Variants in ITSN2 observed in about 807,000 individuals in gnomAD.
The protein encoded by ITSN2 is intersectin 2, also known as intersectin-2.
ITSN2 carries 156 observed loss-of-function variants against 243.7 expected under a neutral mutation model. The ratio of observed to expected loss-of-function variants is 0.64; its 90% confidence interval spans 0.56 to 0.73. ITSN2 has a LOEUF of 0.73. Ranked by LOEUF, ITSN2 falls within the 30% of genes least tolerant of loss-of-function variation. The pLI, the probability that ITSN2 is intolerant of heterozygous loss-of-function variation, is 0.00. For synonymous variants in ITSN2, 703 were observed against 699.9 expected, an observed-to-expected ratio of 1.00 and a Z score of -0.07; for missense variants, 1,801 against 1,996.1, an observed-to-expected ratio of 0.90 and a Z score of 1.86.
intron 1 of ITSN2, among the ~76,000 whole-genome samples, chr2:24,359,543 T>C (rs1439744395): frequency 6.6e-6 from 1 of 152,170 alleles, no homozygotes; most frequent in African/African-American, 2.4e-5. Context: ...AATTAATAAA[T>C]CCAAACGGAG....
At chr2:24,226,411 A>C (rs1671033434) in intron 29 of ITSN2, among the ~76,000 whole-genome samples, 1 of 152,218 alleles carries the variant, frequency 6.6e-6, no homozygotes, top group Admixed American at 6.5e-5. Context: ...TGACATGATT[A>C]AAAAGTTTTT....
At chr2:24,323,388 C>T (rs998314866) in intron 2 of ITSN2, among the ~76,000 whole-genome samples, 1 of 152,168 alleles carries the variant, frequency 6.6e-6, no homozygotes, top group African/African-American at 2.4e-5. Flanking sequence ...ATACAATGGA[C>T]TACTATTCAG....
chr2:24,330,779 T>C (rs1685701897), intron 1 of ITSN2: 1 of 451,832 alleles, frequency 2.2e-6, no homozygotes, highest in Admixed American at 3.1e-5. Context: ...TACTTTTTTT[T>C]TTTTTTAGAT....
At chr2:24,233,655 C>T (rs753990004) in intron 29 of ITSN2, among the ~76,000 whole-genome samples, 1 of 152,172 alleles carries the variant, frequency 6.6e-6, no homozygotes, top group Non-Finnish European at 1.5e-5. Context: ...CAAATATTTA[C>T]TAAATGTTAG....
intron 4 of ITSN2, among the ~76,000 whole-genome samples, chr2:24,312,936 A>T (rs950956695): frequency 6.6e-6 from 1 of 152,182 alleles, no homozygotes. Flanking sequence ...CTGCCAAATT[A>T]TAAGGAAATT....
intron 22 of ITSN2, 47 bp downstream of exon 22, chr2:24,261,059 G>A (rs369631054): frequency 1.9e-6 from 3 of 1,548,872 alleles, no homozygotes; most frequent in African/African-American, 2.8e-5. Flanking sequence ...ATTTTAATCA[G>A]GAGCAAATTC....
chr2:24,301,043 A>T (rs1046899625), intron 11 of ITSN2, 111 bp downstream of exon 11: 2 of 592,220 alleles, frequency 3.4e-6, no homozygotes, highest in Admixed American at 6.2e-5. Flanking sequence ...GTTTTTTCTC[A>T]TATAGCACAT....
At chr2:24,313,610 TG>T in intron 3 of ITSN2, 87 bp from the exon 4 acceptor site, 1 of 822,102 alleles carries the variant, frequency 1.2e-6, no homozygotes, top group African/African-American at 1.7e-5. Flanking sequence ...TATATGTTAA[TG>T]ATTTATTATA....
chr2:24,293,078 T>C (rs920425093), intron 15 of ITSN2, among the ~76,000 whole-genome samples: 3 of 152,220 alleles, frequency 2.0e-5, no homozygotes, highest in African/African-American at 7.2e-5. Context: ...TAGTATCCAA[T>C]ACAGAGAATT....
chr2:24,292,172 A>G (rs1366671054), intron 15 of ITSN2, among the ~76,000 whole-genome samples: 2 of 152,220 alleles, frequency 1.3e-5, no homozygotes, highest in African/African-American at 2.4e-5. Context: ...CAAAGCCCAA[A>G]CAAAAGCTTC....
chr2:24,337,097 T>C (rs1438101229), intron 1 of ITSN2, among the ~76,000 whole-genome samples: 1 of 149,976 alleles, frequency 6.7e-6, no homozygotes, highest in Non-Finnish European at 1.5e-5. Context: ...TAAAGAAAGG[T>C]TTATTTCCCA....
intron 29 of ITSN2, among the ~76,000 whole-genome samples, chr2:24,236,831 C>T (rs1424058316): frequency 1.3e-5 from 2 of 151,694 alleles, no homozygotes; most frequent in East Asian, 3.9e-4. Context: ...CAGCACCACT[C>T]CCAGCTATCT....
intron 20 of ITSN2, among the ~76,000 whole-genome samples, chr2:24,262,162 T>C (rs1675984721): frequency 6.6e-6 from 1 of 152,230 alleles, no homozygotes; most frequent in African/African-American, 2.4e-5. Context: ...CTTTTGGCTA[T>C]GGGAAATGAA....
chr2:24,347,905 C>T (rs1367805832), intron 1 of ITSN2, among the ~76,000 whole-genome samples: 2 of 152,032 alleles, frequency 1.3e-5, no homozygotes, highest in Non-Finnish European at 2.9e-5. Flanking sequence ...GACCCCATCT[C>T]TACCAATAAT....
At chr2:24,314,701 C>T (rs146439732) in intron 3 of ITSN2, among the ~76,000 whole-genome samples, 177 of 152,228 alleles carry the variant, frequency 1.2e-3, no homozygotes, top group African/African-American at 4.1e-3. Context: ...CCCATTTTGG[C>T]TCTGGTGGTC....
chr2:24,246,075 C>T (rs1204874295), intron 29 of ITSN2, 54 bp downstream of exon 29: 6 of 1,134,158 alleles, frequency 5.3e-6, no homozygotes, highest in Non-Finnish European at 7.8e-6. Context: ...AAATGCAGTG[C>T]TGTATATTGA....
At chr2:24,270,169 T>C (rs1416063943) in intron 20 of ITSN2, among the ~76,000 whole-genome samples, 1 of 152,196 alleles carries the variant, frequency 6.6e-6, no homozygotes, top group Non-Finnish European at 1.5e-5. Flanking sequence ...AAATCCAAGT[T>C]TGTGTGCTTC....
intron 2 of ITSN2, among the ~76,000 whole-genome samples, chr2:24,324,870 A>G (rs895154695): frequency 6.2e-5 from 9 of 144,692 alleles, no homozygotes; most frequent in East Asian, 2.0e-4. Flanking sequence ...AAAAAAAAAA[A>G]AAAAAAAAAT....
At chr2:24,282,740 C>T (rs571185496) in intron 17 of ITSN2, among the ~76,000 whole-genome samples, 13 of 152,324 alleles carry the variant, frequency 8.5e-5, no homozygotes, top group African/African-American at 2.9e-4. Context: ...TCCCCATCAC[C>T]TGCCCTTCAA....
Sources: gnomAD v4.1 joint callset for allele counts (sites outside exome capture counted in the v4.1 genomes callset) on GRCh38, gnomAD v4.1.1 for gene constraint, MANE v1.5 for transcripts, NCBI Gene and HGNC (gene_info 2026-07-23, HGNC 2026-07-21) for gene names.